Variants in LPP observed in about 807,000 individuals in gnomAD.
The protein encoded by LPP is lipoma-preferred partner.
In LPP, 38 loss-of-function variants were observed where a neutral mutation model predicts 60.4. The ratio of observed to expected loss-of-function variants is 0.63; its 90% CI spans 0.49 to 0.83. LPP has a LOEUF of 0.83. Ranked by LOEUF, LPP falls within the 40% of genes least tolerant of loss-of-function variation. LPP has a pLI of 0.00. For missense variants in LPP, 902 were observed against 783.6 expected (o/e 1.15, Z -1.80); for synonymous variants, 328 against 290.8 (o/e 1.13, Z -1.30).
In LPP at chr3:188,886,719, A is replaced by AACACAC. The variant is rs562970107; in HGVS notation, c.*12252_*12257dup. 21 of 153,788 alleles carry AACACAC rather than the reference A, an allele frequency of 1.4e-4. No homozygotes were observed. Among genetic ancestry groups the AACACAC allele is most frequent in the African/African-American group, 6.3e-4 (16 of 25,390 alleles). The allele number at this position is 153,788 out of a possible 1,614,324, so 9.5% of individuals were successfully genotyped here. On this transcript the variant is annotated 3_prime_UTR_variant, in exon 12 of 12. Transcript: ENST00000617246. The stretch of plus-strand genomic sequence containing the variant: ...GATCATACAATTGTATTGTCTTCAA[A>AACACAC]ACACACACACACACACATACACACA...
intron 9 of LPP, among the ~76,000 whole-genome samples, chr3:188,774,980 A>G (rs1232269082): frequency 2.0e-5 from 3 of 152,038 alleles, no homozygotes; most frequent in East Asian, 1.9e-4. Context: ...CTGTAAGTGC[A>G]TAATTGGCAC....
chr3:188,437,610 A>T (rs950185446), intron 4 of LPP, among the ~76,000 whole-genome samples: 4 of 152,232 alleles, frequency 2.6e-5, no homozygotes, highest in African/African-American at 9.6e-5. Flanking sequence ...GTAACTAAAG[A>T]TAGACATAAT....
In LPP at chr3:188,724,303, G is replaced by C. The variant is rs140851246; in HGVS notation, c.1240+15910G>C. ...ACCATGCCTGTGACTATAGATTTCA[G>C]AAAATGAGCTAGCCAAAGCCTGGAA... On this transcript the variant is annotated intron_variant, in intron 8 of 11. Coordinates refer to ENST00000617246, the MANE Select transcript of LPP (RefSeq NM_001375462.1). Among the ~76,000 whole-genome samples, 8 of 152,272 alleles carry C rather than the reference G, an allele frequency of 5.3e-5. No homozygotes were observed. The East Asian group carries it at 1.5e-3, about 29-fold the overall frequency.
At chr3:188,688,922 G>T in intron 7 of LPP, 1 of 504,544 alleles carries the variant, frequency 2.0e-6, no homozygotes. Context: ...TTACAATCCC[G>T]CCTCTATTAT....
chr3:188,760,038 C>T (rs1395868183), intron 8 of LPP, 75 bp from the exon 9 acceptor site: 1 of 1,351,038 alleles, frequency 7.4e-7, no homozygotes, highest in Non-Finnish European at 1.0e-6. Context: ...TATGAACCTG[C>T]TTTCTCCTCC....
At chr3:188,340,396 C>CTTTTTTTTTTTTTTTTTTTTTTT (rs5855188) in intron 2 of LPP, among the ~76,000 whole-genome samples, 2 of 116,622 alleles carry the variant, frequency 1.7e-5, no homozygotes, top group African/African-American at 6.4e-5. Flanking sequence ...CAATCATGCT[C>CTTTTTTTTTTTTTTTTTTTTTTT]TTTTTTTTTT....
At chr3:188,736,202 C>T (rs1722448773) in intron 8 of LPP, among the ~76,000 whole-genome samples, 1 of 151,896 alleles carries the variant, frequency 6.6e-6, no homozygotes, top group African/African-American at 2.4e-5. Flanking sequence ...ACATAAAGAT[C>T]AATCACAAAA....
At chr3:188,494,522 G>A (rs372882065) in intron 5 of LPP, among the ~76,000 whole-genome samples, 14 of 151,916 alleles carry the variant, frequency 9.2e-5, no homozygotes, top group Non-Finnish European at 1.6e-4. Context: ...TACCCCTAAC[G>A]TCCATTCTAA....
intron 1 of LPP, among the ~76,000 whole-genome samples, chr3:188,177,251 G>T (rs536339085): frequency 9.9e-5 from 15 of 152,198 alleles, no homozygotes; most frequent in Non-Finnish European, 1.9e-4. Context: ...CATTTTCATG[G>T]CAGGGTCCCC....
In LPP at chr3:188,609,261, A is replaced by T; in HGVS notation, c.530A>T (p.Lys177Met). 6.2e-7 allele frequency: 1 copy of T among 1,614,090 alleles called. No individual in the cohort carries two copies. The change falls in exon 7 of 12, where the codon AAG (lysine) becomes ATG (methionine). Residue 177 changes from lysine to methionine, a missense_variant. Lys to Met is a moderately conservative substitution (Grantham distance 95, BLOSUM62 -1). Transcript: ENST00000617246. This position sits in a 1 kb window ranked among gnomAD's most constrained non-coding sequence, Gnocchi z 6.9. ...PNQPPLTATK[K>M]STLKPQPAPQ... ...CAACCCCCTCTAACAGCAACCAAGA[A>T]GTCTACATTGAAACCACAGCCTGCA...
At chr3:188,510,012 G>C (rs959471038) in intron 5 of LPP, among the ~76,000 whole-genome samples, 1 of 151,294 alleles carries the variant, frequency 6.6e-6, no homozygotes, top group African/African-American at 2.4e-5. Flanking sequence ...CCACTGCACC[G>C]GGCCTGTCTC....
chr3:188,154,163 T>C lies in LPP; in HGVS notation c.-279T>C. 1 of 206,752 alleles carries C rather than the reference T, an allele frequency of 4.8e-6. No homozygotes were observed. 12.8% of individuals were successfully genotyped at this position (206,752 alleles called of 1,614,324 possible). ...GGAGGGGGAGTGCCCGGGCACCTCC[T>C]CCTCTGCCTCTGCCTCCGCCTCCAG... On this transcript the variant is annotated 5_prime_UTR_variant, in exon 1 of 12. Coordinates refer to ENST00000617246, the MANE Select transcript of LPP (RefSeq NM_001375462.1).
chr3:188,415,688 T>G (rs1224097730), intron 4 of LPP, among the ~76,000 whole-genome samples: 1 of 151,038 alleles, frequency 6.6e-6, no homozygotes, highest in Non-Finnish European at 1.5e-5. Context: ...CTCGAAAGGT[T>G]ACATGTATTA....
intron 6 of LPP, among the ~76,000 whole-genome samples, chr3:188,541,905 A>C (rs1579792687): frequency 6.6e-6 from 1 of 152,262 alleles, no homozygotes; most frequent in Non-Finnish European, 1.5e-5. Flanking sequence ...CACACACACA[A>C]AAAAACAAAA....
At chr3:188,654,144 G>GATCTGTGGTTTACAC (rs1852647979) in intron 7 of LPP, among the ~76,000 whole-genome samples, 1 of 152,172 alleles carries the variant, frequency 6.6e-6, no homozygotes, top group African/African-American at 2.4e-5. Context: ...GTGGTTTATA[G>GATCTGTGGTTTACAC]CTCTGTGGTT....
chr3:188,241,050 A>T (rs2149463024), intron 2 of LPP, among the ~76,000 whole-genome samples: 1 of 152,320 alleles, frequency 6.6e-6, no homozygotes, highest in South Asian at 2.1e-4. Context: ...AGACAGTGAG[A>T]ATGTCCCTAC....
chr3:188,266,401 A>G (rs1735557500), intron 2 of LPP, among the ~76,000 whole-genome samples: 1 of 152,128 alleles, frequency 6.6e-6, no homozygotes, highest in African/African-American at 2.4e-5. Context: ...CGCACAGCGC[A>G]GGAGACTGTC....
chr3:188,566,815 AG>A (rs1455588199), intron 6 of LPP, among the ~76,000 whole-genome samples: 2 of 151,760 alleles, frequency 1.3e-5, no homozygotes, highest in East Asian at 3.9e-4. Context: ...CAAGGCTTGG[AG>A]GGTGGAGAAG....
chr3:188,718,090 G>A (rs1714813354), intron 8 of LPP, among the ~76,000 whole-genome samples: 1 of 152,214 alleles, frequency 6.6e-6, no homozygotes, highest in African/African-American at 2.4e-5. Flanking sequence ...CAAAAGTGCT[G>A]GGATTACAGG....
Sources: allele counts gnomAD v4.1 joint callset (sites outside exome capture counted in the v4.1 genomes callset), GRCh38; gene constraint gnomAD v4.1.1; non-coding constraint Gnocchi (gnomAD v3.1); transcripts MANE v1.5; gene names NCBI Gene and HGNC (gene_info 2026-07-23, HGNC 2026-07-21).